TCF12: variants seen among roughly 807,000 people sequenced by gnomAD.
The protein encoded by TCF12 is DNA-binding protein HTF4.
Under a neutral mutation model 86.0 loss-of-function variants are expected in TCF12, and 45 were observed. The observed-to-expected ratio is 0.52, with a 90% confidence interval of 0.41 to 0.67. TCF12 has a LOEUF of 0.67. TCF12 is among the 30% of genes least tolerant of loss of function. TCF12 has a pLI of 0.00. For missense variants in TCF12, 881 were observed against 859.9 expected (o/e 1.02, Z -0.31); for synonymous variants, 330 against 299.6 (o/e 1.10, Z -1.05).
chr15:56,935,870 T>C (rs763784701), intron 3 of TCF12, among the ~76,000 whole-genome samples: 5 of 152,164 alleles, frequency 3.3e-5, no homozygotes, highest in Non-Finnish European at 7.4e-5. Context: ...ATCATGTATA[T>C]ATATACAGTT....
intron 5 of TCF12, among the ~76,000 whole-genome samples, chr15:57,135,346 A>G (rs1347985135): frequency 2.6e-5 from 4 of 152,224 alleles, no homozygotes; most frequent in Non-Finnish European, 5.9e-5. Flanking sequence ...AAATGAAAAC[A>G]TGTATTCTGA....
At chr15:57,183,790 A>G (rs1195422326) in intron 6 of TCF12, among the ~76,000 whole-genome samples, 3 of 152,140 alleles carry the variant, frequency 2.0e-5, no homozygotes, top group Non-Finnish European at 4.4e-5. Flanking sequence ...AGCTGTTTGT[A>G]GAAGAGGGAA....
chr15:57,016,013 G>A (rs2065132538), intron 3 of TCF12, among the ~76,000 whole-genome samples: 1 of 152,156 alleles, frequency 6.6e-6, no homozygotes, highest in South Asian at 2.1e-4. Context: ...TATGATTGCT[G>A]AGATTTCTCC....
intron 3 of TCF12, among the ~76,000 whole-genome samples, chr15:56,938,808 T>C (rs2060599524): frequency 6.6e-6 from 1 of 152,166 alleles, no homozygotes; most frequent in African/African-American, 2.4e-5. Context: ...CTTCCACATA[T>C]GAATTTTGAG....
intron 7 of TCF12, among the ~76,000 whole-genome samples, chr15:57,196,121 A>C (rs1438525331): frequency 6.6e-6 from 1 of 152,190 alleles, no homozygotes; most frequent in East Asian, 1.9e-4. Flanking sequence ...GGCCACCTCT[A>C]CATCCATGGG....
intron 12 of TCF12, among the ~76,000 whole-genome samples, chr15:57,236,260 C>G (rs1224772770): frequency 1.3e-5 from 2 of 152,162 alleles, no homozygotes; most frequent in Non-Finnish European, 2.9e-5. Context: ...TTCCAACTTT[C>G]CTTACAGACT....
Position 57,286,461 on chromosome 15 carries a change from G to A in TCF12, c.*316G>A. On this transcript the variant is annotated 3_prime_UTR_variant, in exon 21 of 21. Transcript: ENST00000333725. ...CTCGATCTCTCCACTCACCGTGGAAGTTGCCTTGTGCCTAAACTGAATTGA... is the reference window on the plus strand; with the variant it reads ...CTCGATCTCTCCACTCACCGTGGAAATTGCCTTGTGCCTAAACTGAATTGA... 2.8e-6 allele frequency: 1 copy of A among 359,388 alleles called. No homozygotes were observed. The highest frequency in any genetic ancestry group is 2.1e-5 in the South Asian group (1 of 47,162). 22.3% of individuals were successfully genotyped at this position (359,388 alleles called of 1,614,324 possible).
intron 5 of TCF12, among the ~76,000 whole-genome samples, chr15:57,166,087 T>C (rs907803683): frequency 1.3e-5 from 2 of 152,094 alleles, no homozygotes; most frequent in African/African-American, 2.4e-5. Flanking sequence ...ATCACCATGC[T>C]AATTTTTTAT....
intron 3 of TCF12, among the ~76,000 whole-genome samples, chr15:57,054,905 T>C (rs1217638812): frequency 6.6e-6 from 1 of 151,680 alleles, no homozygotes; most frequent in Non-Finnish European, 1.5e-5. Context: ...CTTGACCTTA[T>C]TATAGGTCTA....
At chr15:57,183,343 G>C (rs936976100) in intron 6 of TCF12, among the ~76,000 whole-genome samples, 1 of 152,082 alleles carries the variant, frequency 6.6e-6, no homozygotes, top group Non-Finnish European at 1.5e-5. Context: ...ACACACTTTT[G>C]CTAAATCATT....
intron 6 of TCF12, among the ~76,000 whole-genome samples, chr15:57,186,997 A>T (rs138055528): frequency 6.6e-6 from 1 of 152,314 alleles, no homozygotes; most frequent in East Asian, 1.9e-4. Context: ...CATGGCCAAC[A>T]TGATGAAACT....
Position 56,971,431 on chromosome 15 carries a change from G to GA in TCF12, c.148+50342dup, listed in dbSNP as rs199556686. 2.0e-3 allele frequency among the ~76,000 whole-genome samples: 301 copies of GA among 149,358 alleles called. 4 individuals are homozygous for GA. Among genetic ancestry groups the GA allele is most frequent in the African/African-American group, 6.7e-3 (272 of 40,724 alleles). On this transcript the variant is annotated intron_variant, in intron 3 of 20. Transcript: ENST00000333725. ...GACAGCGAGACTTTATCTCAAAAAA[G>GA]AAAAAAAAAGAAGGCGGAAAAAGAA...
At chr15:57,253,830 G>C (rs1234850689) in intron 16 of TCF12, among the ~76,000 whole-genome samples, 1 of 152,228 alleles carries the variant, frequency 6.6e-6, no homozygotes, top group African/African-American at 2.4e-5. Context: ...CCAGCCTTCA[G>C]TGGTAGAAAG....
chr15:57,198,892 C>T (rs1256003096), intron 8 of TCF12, among the ~76,000 whole-genome samples: 5 of 152,170 alleles, frequency 3.3e-5, no homozygotes, highest in Non-Finnish European at 5.9e-5. Context: ...TTTATTAAGG[C>T]TGAAGTAGAG....
intron 5 of TCF12, among the ~76,000 whole-genome samples, chr15:57,126,967 T>C (rs1178682254): frequency 1.3e-5 from 2 of 149,090 alleles, no homozygotes; most frequent in African/African-American, 4.8e-5. Flanking sequence ...TCTTCACTTG[T>C]ACTTTTTTTT....
chr15:57,035,825 C>T (rs2066472740), intron 3 of TCF12, among the ~76,000 whole-genome samples: 1 of 152,122 alleles, frequency 6.6e-6, no homozygotes, highest in African/African-American at 2.4e-5. Context: ...CCCCTGGGCA[C>T]AGACTGGGAA....
intron 3 of TCF12, among the ~76,000 whole-genome samples, chr15:56,966,966 A>G (rs1450838449): frequency 6.6e-6 from 1 of 152,170 alleles, no homozygotes. Flanking sequence ...CTACTAAAAT[A>G]CAAAAATTAG....
At chr15:56,969,110 C>G (rs1308892377) in intron 3 of TCF12, among the ~76,000 whole-genome samples, 4 of 152,096 alleles carry the variant, frequency 2.6e-5, no homozygotes, top group African/African-American at 7.2e-5. Flanking sequence ...CAAGGAATTT[C>G]CTTGTGGGCA....
intron 3 of TCF12, among the ~76,000 whole-genome samples, chr15:57,025,193 C>G (rs2065748788): frequency 6.6e-6 from 1 of 152,150 alleles, no homozygotes; most frequent in South Asian, 2.1e-4. Context: ...TGTTCTTTTG[C>G]CTCAGCCTCC....
Sources: gnomAD v4.1 joint callset for allele counts (sites outside exome capture counted in the v4.1 genomes callset) on GRCh38, gnomAD v4.1.1 for gene constraint, MANE v1.5 for transcripts, NCBI Gene and HGNC (gene_info 2026-07-23, HGNC 2026-07-21) for gene names.